Variants in PRR16 observed in about 807,000 individuals in gnomAD.
PRR16 encodes the protein proline rich 16.
In PRR16, 6 loss-of-function variants were observed where a neutral mutation model predicts 18.2. That is an observed-to-expected ratio of 0.33 (90% confidence interval 0.18 to 0.65). The LOEUF is 0.65. Ranked by LOEUF, PRR16 falls within the 30% of genes least tolerant of loss-of-function variation. The pLI, the probability that PRR16 is intolerant of heterozygous loss-of-function variation, is 0.74. For missense variants in PRR16, 412 were observed against 376.6 expected (o/e 1.09, Z -0.78); for synonymous variants, 151 against 147.8 (o/e 1.02, Z -0.16).
At chr5:120,499,414 T>G (rs1173951435) in intron 1 of PRR16, among the ~76,000 whole-genome samples, 1 of 152,132 alleles carries the variant, frequency 6.6e-6, no homozygotes, top group Non-Finnish European at 1.5e-5. Context: ...GGTCCATGGA[T>G]TCCCGAGTCT....
the PRR16 span, among the ~76,000 whole-genome samples, chr5:120,707,497 C>T: frequency 1.3e-5 from 2 of 152,302 alleles, no homozygotes; most frequent in South Asian, 2.1e-4. Context: ...GCCACATGTT[C>T]TATGGCTTTC....
chr5:120,561,910 A>C (rs1363215049), intron 1 of PRR16, among the ~76,000 whole-genome samples: 1 of 152,182 alleles, frequency 6.6e-6, no homozygotes. Context: ...CTGTAAGCCT[A>C]TTAAACCTCT....
chr5:120,548,325 T>C (rs984958492), intron 1 of PRR16, among the ~76,000 whole-genome samples: 1 of 152,110 alleles, frequency 6.6e-6, no homozygotes, highest in African/African-American at 2.4e-5. Context: ...TGTTTTCTAT[T>C]CAGCATTTTT....
At chr5:120,770,023 T>A in the PRR16 span, among the ~76,000 whole-genome samples, 1 of 151,992 alleles carries the variant, frequency 6.6e-6, no homozygotes, top group Admixed American at 6.6e-5. Flanking sequence ...AAATGTCTCT[T>A]CAAGTCCTTT....
At chr5:120,696,661 T>TC in the PRR16 span, among the ~76,000 whole-genome samples, 2 of 152,150 alleles carry the variant, frequency 1.3e-5, no homozygotes, top group Non-Finnish European at 2.9e-5. Context: ...TGCTACAAAG[T>TC]GGTGTGTTAG....
chr5:120,781,159 G>A, the PRR16 span: 1 of 151,756 alleles, frequency 6.6e-6, no homozygotes, highest in Non-Finnish European at 1.5e-5. Flanking sequence ...TCAAACTGAT[G>A]ATATTCTACA....
At chr5:120,585,636 T>C (rs1018612912) in intron 1 of PRR16, among the ~76,000 whole-genome samples, 1 of 150,714 alleles carries the variant, frequency 6.6e-6, no homozygotes, top group Non-Finnish European at 1.5e-5. Context: ...AAAAAGCTCC[T>C]TCTTCACACT....
intron 1 of PRR16, among the ~76,000 whole-genome samples, chr5:120,623,902 A>G (rs114080345): frequency 4.1e-4 from 63 of 152,018 alleles, no homozygotes; most frequent in African/African-American, 1.5e-3. Flanking sequence ...ATCATTCTAC[A>G]TAATATATAA....
intron 1 of PRR16, among the ~76,000 whole-genome samples, chr5:120,655,941 A>G (rs1038392885): frequency 1.3e-5 from 2 of 151,806 alleles, no homozygotes; most frequent in Non-Finnish European, 2.9e-5. Flanking sequence ...TTGAATCACT[A>G]TCACTGTCCA....
At position 120,603,868 on chromosome 5, in the gene PRR16, G is replaced by T. The variant is rs139886759; in HGVS notation, c.160-82086G>T. ...TCAATGTAATTATATTGTTTTGAGA[G>T]ATATTATTGTTATTGATTTCTGTTT... On this transcript the variant is annotated intron_variant, in intron 1 of 1. Coordinates refer to ENST00000407149, the MANE Select transcript of PRR16 (RefSeq NM_001300783.2). Among the ~76,000 whole-genome samples, 803 of 151,998 alleles carry T rather than the reference G, an allele frequency of 5.3e-3. 7 individuals are homozygous for T. The highest frequency in any genetic ancestry group is 0.019 in the South Asian group (90 of 4,812).
At chr5:120,489,596 C>G (rs985945092) in intron 1 of PRR16, among the ~76,000 whole-genome samples, 3 of 152,140 alleles carry the variant, frequency 2.0e-5, no homozygotes, top group Admixed American at 6.5e-5. Context: ...TGGGTCTTGA[C>G]TCTTTATCCA....
At chr5:120,505,617 TTA>T (rs1265597229) in intron 1 of PRR16, among the ~76,000 whole-genome samples, 2 of 152,202 alleles carry the variant, frequency 1.3e-5, no homozygotes, top group Non-Finnish European at 2.9e-5. Context: ...CAAGTGTCAG[TTA>T]TTTCAATGAA....
chr5:120,715,899 G>A, the PRR16 span, among the ~76,000 whole-genome samples: 2 of 152,100 alleles, frequency 1.3e-5, no homozygotes, highest in Non-Finnish European at 2.9e-5. Context: ...CCGTTGAAGC[G>A]CCACTCCCCT....
At chr5:120,648,484 T>C (rs1484637657) in intron 1 of PRR16, among the ~76,000 whole-genome samples, 2 of 152,144 alleles carry the variant, frequency 1.3e-5, no homozygotes, top group Non-Finnish European at 2.9e-5. Flanking sequence ...TTTGTTAAGC[T>C]CAGTATAGAA....
At chr5:120,618,433 T>C (rs991527945) in intron 1 of PRR16, 9 of 954,326 alleles carry the variant, frequency 9.4e-6, no homozygotes, top group East Asian at 2.3e-4. Context: ...TTATACTGTT[T>C]TTTAACAGTT....
At chr5:120,665,162 G>A (rs1383163898) in intron 1 of PRR16, among the ~76,000 whole-genome samples, 1 of 125,760 alleles carries the variant, frequency 8.0e-6, no homozygotes, top group Admixed American at 7.9e-5. Context: ...ACTGGTGTGA[G>A]ATGGTATCTC....
chr5:120,785,454 TATTG>T, the PRR16 span, among the ~76,000 whole-genome samples: 1 of 152,268 alleles, frequency 6.6e-6, no homozygotes, highest in Middle Eastern at 3.4e-3. Context: ...CTTTTGTTGG[TATTG>T]ATTAAATGTT....
intron 1 of PRR16, among the ~76,000 whole-genome samples, chr5:120,513,119 A>G (rs1750881674): frequency 1.3e-5 from 2 of 152,144 alleles, no homozygotes; most frequent in South Asian, 4.1e-4. Context: ...GGGGTCAGTC[A>G]AGCTTTCAGC....
chr5:120,769,111 C>T, the PRR16 span, among the ~76,000 whole-genome samples: 5 of 151,132 alleles, frequency 3.3e-5, no homozygotes, highest in Admixed American at 3.3e-4. Context: ...GAGGTTCATA[C>T]ACCTATTTAA....
Sources: gnomAD v4.1 joint callset for allele counts (sites outside exome capture counted in the v4.1 genomes callset) on GRCh38, gnomAD v4.1.1 for gene constraint, MANE v1.5 for transcripts, NCBI Gene and HGNC (gene_info 2026-07-23, HGNC 2026-07-21) for gene names.